The following MYO16 variants were observed in gnomAD, a reference collection of about 807,000 sequenced individuals.
MYO16 encodes the protein unconventional myosin-XVI.
MYO16 carries 94 observed loss-of-function variants against 205.3 expected under a neutral mutation model. That is an observed-to-expected ratio of 0.46 (90% CI 0.39 to 0.54). The LOEUF is 0.54. Ranked by LOEUF, MYO16 falls within the 20% of genes least tolerant of loss-of-function variation. The pLI, the probability that MYO16 is intolerant of heterozygous loss-of-function variation, is 0.00. For synonymous variants in MYO16, 988 were observed against 954.0 expected, an observed-to-expected ratio of 1.04 and a Z score of -0.66; for missense variants, 2,315 against 2,387.5, an observed-to-expected ratio of 0.97 and a Z score of 0.63.
At chr13:108,979,603 A>G (rs916095992) in intron 20 of MYO16, among the ~76,000 whole-genome samples, 5 of 152,050 alleles carry the variant, frequency 3.3e-5, no homozygotes, top group African/African-American at 1.2e-4. Context: ...TACCATGACA[A>G]CCCAAACTAC....
At chr13:108,568,046 G>T in the MYO16 span, among the ~76,000 whole-genome samples, 15 of 152,168 alleles carry the variant, frequency 9.9e-5, no homozygotes, top group Non-Finnish European at 1.8e-4. Context: ...TACTTCATTT[G>T]TTTTTAACAC....
the MYO16 span, among the ~76,000 whole-genome samples, chr13:108,522,203 G>A: frequency 6.6e-6 from 1 of 152,194 alleles, no homozygotes; most frequent in Non-Finnish European, 1.5e-5. Context: ...GAATCTTGGA[G>A]ACCCCCAAAT....
chr13:108,852,945 C>G (rs1877960428), intron 10 of MYO16, among the ~76,000 whole-genome samples: 1 of 152,192 alleles, frequency 6.6e-6, no homozygotes, highest in Non-Finnish European at 1.5e-5. Context: ...GTTGTTCATA[C>G]AGCTGAATAC....
intron 21 of MYO16, among the ~76,000 whole-genome samples, chr13:109,003,271 A>T (rs11618876): frequency 5.7e-4 from 87 of 152,232 alleles, no homozygotes; most frequent in Non-Finnish European, 9.4e-4. Flanking sequence ...GGTTTTACAC[A>T]TGAAGCTGGA....
chr13:108,929,094 A>G (rs553232038), intron 16 of MYO16, among the ~76,000 whole-genome samples: 1 of 152,356 alleles, frequency 6.6e-6, no homozygotes, highest in African/African-American at 2.4e-5. Context: ...GTGCAGATCT[A>G]AAATTAACTG....
At chr13:108,548,726 A>C in the MYO16 span, among the ~76,000 whole-genome samples, 2 of 152,090 alleles carry the variant, frequency 1.3e-5, no homozygotes, top group Non-Finnish European at 2.9e-5. Context: ...TGATGATTAT[A>C]GATATATCAA....
upstream of MYO16, among the ~76,000 whole-genome samples, chr13:108,592,036 TA>T (rs1013075967): frequency 3.9e-4 from 44 of 113,246 alleles, no homozygotes; most frequent in African/African-American, 1.5e-3. Context: ...GACATAAGAT[TA>T]AAAAAATTTA....
At chr13:109,072,586 C>G (rs960847180) in intron 27 of MYO16, among the ~76,000 whole-genome samples, 1 of 151,728 alleles carries the variant, frequency 6.6e-6, no homozygotes, top group African/African-American at 2.4e-5. Context: ...CACACACACA[C>G]ACACACACAC....
chr13:108,709,717 AG>A (rs1451853643), intron 2 of MYO16, among the ~76,000 whole-genome samples: 1 of 135,466 alleles, frequency 7.4e-6, no homozygotes, highest in Non-Finnish European at 1.6e-5. Context: ...TTACAATTCC[AG>A]TTTTTAACCC....
At chr13:108,788,834 C>T (rs939834189) in intron 5 of MYO16, among the ~76,000 whole-genome samples, 1 of 152,210 alleles carries the variant, frequency 6.6e-6, no homozygotes, top group Admixed American at 6.5e-5. Context: ...CTCTTAGGAA[C>T]AGTCTCTCTC....
At chr13:109,168,316 A>C (rs1324986626) in intron 33 of MYO16, among the ~76,000 whole-genome samples, 1 of 152,236 alleles carries the variant, frequency 6.6e-6, no homozygotes, top group Non-Finnish European at 1.5e-5. Context: ...TTCTGAAAAC[A>C]GTAAAACATA....
At chr13:109,101,519 A>G (rs548227384) in intron 28 of MYO16, 14 of 152,224 alleles carry the variant, frequency 9.2e-5, no homozygotes, top group Non-Finnish European at 1.3e-4. Flanking sequence ...ATAACCTGAG[A>G]CAAAATTACA....
intron 4 of MYO16, among the ~76,000 whole-genome samples, chr13:108,759,167 A>C (rs1476264182): frequency 6.6e-6 from 1 of 151,848 alleles, no homozygotes; most frequent in Non-Finnish European, 1.5e-5. Flanking sequence ...AGTCTGTTAA[A>C]AAAAAAAAGT....
rs879782212 is a variant in MYO16 at position 108,834,654 on chromosome 13, TCTCTCTCTCTCTCTCA to T, written c.1098-9687_1098-9672del. 5.7e-4 allele frequency among the ~76,000 whole-genome samples: 52 copies of T among 91,378 alleles called. 1 individual carries two copies. The highest frequency in any genetic ancestry group is 4.1e-3 in the Admixed American group (37 of 8,992). The allele number at this position is 91,378 out of a possible 152,430, so 59.9% of individuals were successfully genotyped here. On this transcript the variant is annotated intron_variant, in intron 9 of 34. Transcript: ENST00000457511. ...CAGTCTTGTACTCTCTCTCTCTCTC[TCTCTCTCTCTCTCTCA>T]CACATATATATATGTGAATATATAT... is the stretch of plus-strand genomic sequence containing the variant.
chr13:109,059,872 C>T (rs1267175849), intron 27 of MYO16, among the ~76,000 whole-genome samples: 1 of 152,130 alleles, frequency 6.6e-6, no homozygotes, highest in Non-Finnish European at 1.5e-5. Flanking sequence ...AGGTTTTCTT[C>T]TAGGGTTTTT....
At position 108,834,188 on chromosome 13, in the gene MYO16, G is replaced by A. The variant is rs557690729; in HGVS notation, c.1098-10155G>A. On this transcript the variant is annotated intron_variant, in intron 9 of 34. Coordinates refer to ENST00000457511, the MANE Select transcript of MYO16 (RefSeq NM_001198950.3). ...ATTCTACTGAACAAAAAGTAGGAGA[G>A]TTTCTAAGTGCTGGGGTGAGCTAGG... 2.0e-3 allele frequency among the ~76,000 whole-genome samples: 311 copies of A among 152,274 alleles called. 4 individuals are homozygous for A. The South Asian group carries it at 0.021, about 10-fold the overall frequency.
At chr13:109,023,824 AT>A (rs1347152659) in intron 23 of MYO16, among the ~76,000 whole-genome samples, 1 of 136,196 alleles carries the variant, frequency 7.3e-6, no homozygotes, top group Non-Finnish European at 1.5e-5. Flanking sequence ...TATATTTTAT[AT>A]TTGCATTTAT....
intron 33 of MYO16, chr13:109,166,504 C>T (rs950799194): frequency 6.6e-6 from 1 of 152,194 alleles, no homozygotes; most frequent in Non-Finnish European, 1.5e-5. Context: ...TGATTGAAGT[C>T]TTAGGGAAAG....
chr13:108,747,157 T>C (rs1885090747), intron 4 of MYO16, among the ~76,000 whole-genome samples: 1 of 152,172 alleles, frequency 6.6e-6, no homozygotes. Flanking sequence ...CAAGAAATGT[T>C]AAAATAAGTT....
Sources: allele counts gnomAD v4.1 joint callset (sites outside exome capture counted in the v4.1 genomes callset), GRCh38; gene constraint gnomAD v4.1.1; transcripts MANE v1.5; gene names NCBI Gene and HGNC (gene_info 2026-07-23, HGNC 2026-07-21).